Variants in CCDC171 observed in about 807,000 individuals in gnomAD.
The protein encoded by CCDC171 is coiled-coil domain containing 171.
A neutral mutation model predicts 168.2 loss-of-function variants in CCDC171; 177 were observed. The ratio of observed to expected loss-of-function variants is 1.05; its 90% confidence interval spans 0.93 to 1.19. The LOEUF (loss-of-function observed/expected upper bound fraction) is 1.19, where lower values mean the gene tolerates loss of function less well. Ranked by LOEUF, CCDC171 falls within the 50% of genes most tolerant of loss-of-function variation. The probability of loss-of-function intolerance (pLI) is 0.00; values close to 1 mark genes in which losing one functional copy is unlikely to be tolerated. For missense variants in CCDC171, 1,991 were observed against 1,539.0 expected (o/e 1.29, Z -4.91); for synonymous variants, 687 against 540.8 (o/e 1.27, Z -3.75).
At chr9:15,735,304 A>G (rs1169546680) in intron 16 of CCDC171, among the ~76,000 whole-genome samples, 3 of 152,172 alleles carry the variant, frequency 2.0e-5, no homozygotes, top group Non-Finnish European at 4.4e-5. Flanking sequence ...CTACTAAAGT[A>G]TCTGGGCCCA....
At chr9:15,985,256 GT>G (rs547261078) in intron 3 of CCDC171, among the ~76,000 whole-genome samples, 1 of 151,146 alleles carries the variant, frequency 6.6e-6, no homozygotes, top group East Asian at 1.9e-4. Context: ...AAGTGAAAAG[GT>G]TTTTTTTTGG....
At chr9:15,812,997 G>C (rs1420155653) in intron 21 of CCDC171, among the ~76,000 whole-genome samples, 1 of 152,188 alleles carries the variant, frequency 6.6e-6, no homozygotes, top group African/African-American at 2.4e-5. Flanking sequence ...GACTAGATGG[G>C]AATTTAGGTT....
At chr9:15,742,783 T>A (rs1254995342) in intron 16 of CCDC171, among the ~76,000 whole-genome samples, 1 of 152,170 alleles carries the variant, frequency 6.6e-6, no homozygotes, top group Non-Finnish European at 1.5e-5. Flanking sequence ...GTACATGTGA[T>A]TTAGTAACTA....
the CCDC171 span, among the ~76,000 whole-genome samples, chr9:16,096,821 T>C: frequency 1.3e-5 from 2 of 152,154 alleles, no homozygotes; most frequent in South Asian, 4.1e-4. Context: ...AGAAGGTAGT[T>C]CACTCTGCCC....
At chr9:16,096,791 T>C in the CCDC171 span, among the ~76,000 whole-genome samples, 45 of 152,302 alleles carry the variant, frequency 3.0e-4, no homozygotes, top group Admixed American at 7.8e-4. Context: ...CCCAGCGTAC[T>C]GCACCATCCA....
intron 21 of CCDC171, among the ~76,000 whole-genome samples, chr9:15,846,465 A>G (rs1274928302): frequency 6.6e-6 from 1 of 152,152 alleles, no homozygotes; most frequent in Non-Finnish European, 1.5e-5. Context: ...GCCTTGCAGT[A>G]TTTGAAAAAA....
intron 10 of CCDC171, among the ~76,000 whole-genome samples, chr9:15,683,003 G>T (rs897282507): frequency 6.6e-6 from 1 of 151,944 alleles, no homozygotes; most frequent in African/African-American, 2.4e-5. Flanking sequence ...TGAAGCAGGG[G>T]AGCTTTCATT....
intron 7 of CCDC171, among the ~76,000 whole-genome samples, chr9:15,645,244 C>A (rs539039844): frequency 1.9e-3 from 282 of 152,254 alleles, no homozygotes; most frequent in African/African-American, 5.2e-3. Context: ...CTGTATGTCA[C>A]CATCATCAAA....
At chr9:15,946,717 A>G (rs1289522459) in intron 25 of CCDC171, among the ~76,000 whole-genome samples, 4 of 152,198 alleles carry the variant, frequency 2.6e-5, no homozygotes, top group African/African-American at 9.6e-5. Context: ...CGCCAAGTCA[A>G]TCCTAAGCCA....
chr9:15,741,903 T>G (rs1477444549), intron 16 of CCDC171, among the ~76,000 whole-genome samples: 1 of 152,322 alleles, frequency 6.6e-6, no homozygotes, highest in South Asian at 2.1e-4. Context: ...ATACTGACTT[T>G]AGGATACAGT....
At chr9:15,752,086 G>A (rs1235644629) in intron 18 of CCDC171, among the ~76,000 whole-genome samples, 1 of 152,156 alleles carries the variant, frequency 6.6e-6, no homozygotes, top group Non-Finnish European at 1.5e-5. Context: ...CCATCAAAAA[G>A]TGGGCAAAGG....
chr9:15,753,751 T>C (rs2055913435), intron 18 of CCDC171, among the ~76,000 whole-genome samples: 1 of 152,146 alleles, frequency 6.6e-6, no homozygotes, highest in Admixed American at 6.6e-5. Context: ...AGGGTAAGTT[T>C]TAAGTGTTTG....
At chr9:15,799,959 C>T (rs1020994345) in intron 21 of CCDC171, among the ~76,000 whole-genome samples, 2 of 152,246 alleles carry the variant, frequency 1.3e-5, no homozygotes, top group Admixed American at 1.3e-4. Context: ...AGATCTCATT[C>T]TCTCTTATGG....
chr9:15,591,272 G>C (rs368481172), intron 4 of CCDC171, 94 bp from the exon 5 acceptor site: 2 of 707,762 alleles, frequency 2.8e-6, no homozygotes, highest in Non-Finnish European at 2.4e-6. Flanking sequence ...CTAAGATCAT[G>C]CTGTAAATGA....
chr9:15,675,116 G>A (rs1027447670), intron 9 of CCDC171, among the ~76,000 whole-genome samples: 2 of 151,580 alleles, frequency 1.3e-5, no homozygotes, highest in Admixed American at 6.6e-5. Flanking sequence ...ATTATGTAAC[G>A]GCCTTCTTTG....
intron 21 of CCDC171, among the ~76,000 whole-genome samples, chr9:15,788,667 AC>A (rs1292552732): frequency 2.0e-5 from 3 of 151,124 alleles, no homozygotes; most frequent in African/African-American, 7.3e-5. Flanking sequence ...CTCCTGCCTC[AC>A]CCTATCAAGA....
At chr9:15,706,774 G>C (rs908541700) in intron 11 of CCDC171, among the ~76,000 whole-genome samples, 1 of 152,096 alleles carries the variant, frequency 6.6e-6, no homozygotes, top group Non-Finnish European at 1.5e-5. Context: ...ACTTTCTTCA[G>C]CTTTCCTTGA....
At chr9:15,945,123 T>C (rs1828192281) in intron 25 of CCDC171, among the ~76,000 whole-genome samples, 1 of 150,154 alleles carries the variant, frequency 6.7e-6, no homozygotes, top group African/African-American at 2.4e-5. Flanking sequence ...AGTGAGAATA[T>C]GCGGTGTTTG....
chr9:15,851,191 T>A (rs2061111300), intron 23 of CCDC171, among the ~76,000 whole-genome samples: 1 of 151,978 alleles, frequency 6.6e-6, no homozygotes. Context: ...GCAACATATT[T>A]CATTCAACTT....
Sources: allele counts gnomAD v4.1 joint callset (sites outside exome capture counted in the v4.1 genomes callset), GRCh38; gene constraint gnomAD v4.1.1; transcripts MANE v1.5; gene names NCBI Gene and HGNC (gene_info 2026-07-23, HGNC 2026-07-21).